Variants in HS6ST3 observed in about 807,000 individuals in gnomAD.
The protein encoded by HS6ST3 is heparan-sulfate 6-O-sulfotransferase 3.
Under a neutral mutation model 36.7 loss-of-function variants are expected in HS6ST3, and 12 were observed. That is an observed-to-expected ratio of 0.33 (90% CI 0.21 to 0.53). The LOEUF is 0.53. Ranked by LOEUF, HS6ST3 falls within the 20% of genes least tolerant of loss-of-function variation. The pLI, the probability that HS6ST3 is intolerant of heterozygous loss-of-function variation, is 0.95. For synonymous variants in HS6ST3, 240 were observed against 257.5 expected, an observed-to-expected ratio of 0.93 and a Z score of 0.65; for missense variants, 584 against 640.9, an observed-to-expected ratio of 0.91 and a Z score of 0.96.
chr13:96,270,011 C>CTG (rs1417597786), intron 1 of HS6ST3, among the ~76,000 whole-genome samples: 1 of 152,008 alleles, frequency 6.6e-6, no homozygotes, highest in Non-Finnish European at 1.5e-5. Flanking sequence ...GGCAACCAAA[C>CTG]TGTCCTTTGG....
chr13:96,090,938 G>A lies in HS6ST3; in HGVS notation c.76G>A (p.Val26Met), dbSNP rs1223167840. The stretch of plus-strand genomic sequence containing the variant: ...CTTCGTGGTCATCATGTACCAGTAC[G>A]TGTCCCCCTCCTGCACCAGCTCCTG... ...LLFVVIMYQYVSPSCTSSCTN... is the reference protein window; with the variant it reads ...LLFVVIMYQYMSPSCTSSCTN... Residue 26 changes from valine (V) to methionine (M), a missense_variant, in exon 1 of 2, where the codon GTG becomes ATG. By Grantham distance (21) the Val-to-Met change is conservative (BLOSUM62 1). Around this residue, in one of 3 missense-constraint regions of HS6ST3, gnomAD observed 217 missense variants for 205.4 expected, o/e 1.06. Transcript: ENST00000376705. The A allele has an allele frequency of 2.0e-6, 3 of 1,486,856 alleles. No homozygotes were observed. Among genetic ancestry groups the A allele is most frequent in the Non-Finnish European group, 2.7e-6 (3 of 1,111,056 alleles). The allele number at this position is 1,486,856 out of a possible 1,614,324, so 92.1% of individuals were successfully genotyped here.
At chr13:96,207,293 G>T (rs2054375488) in intron 1 of HS6ST3, among the ~76,000 whole-genome samples, 2 of 152,052 alleles carry the variant, frequency 1.3e-5, no homozygotes, top group African/African-American at 4.8e-5. Context: ...TTATTAAAAA[G>T]TCACAAAACA....
chr13:96,155,884 T>C (rs1566895329), intron 1 of HS6ST3, among the ~76,000 whole-genome samples: 4 of 152,186 alleles, frequency 2.6e-5, no homozygotes, highest in Admixed American at 6.5e-5. Flanking sequence ...TTTTAAAGCT[T>C]ACTGAAGACC....
At chr13:96,420,850 G>A (rs2055558950) in intron 1 of HS6ST3, among the ~76,000 whole-genome samples, 1 of 152,214 alleles carries the variant, frequency 6.6e-6, no homozygotes, top group South Asian at 2.1e-4. Flanking sequence ...AATAAAGAAA[G>A]TGTGAACCAT....
At chr13:96,360,838 T>G (rs999334503) in intron 1 of HS6ST3, among the ~76,000 whole-genome samples, 1 of 150,976 alleles carries the variant, frequency 6.6e-6, no homozygotes, top group African/African-American at 2.4e-5. Flanking sequence ...TCCCAGTTAC[T>G]TGGAAACTGA....
chr13:96,726,549 T>C (rs983143340), intron 1 of HS6ST3, among the ~76,000 whole-genome samples: 3 of 152,206 alleles, frequency 2.0e-5, no homozygotes, highest in Non-Finnish European at 4.4e-5. Context: ...TTTTTAAATA[T>C]TGGTCTTTAT....
intron 1 of HS6ST3, among the ~76,000 whole-genome samples, chr13:96,662,476 A>G (rs2056649547): frequency 6.9e-6 from 1 of 144,262 alleles, no homozygotes; most frequent in South Asian, 2.2e-4. Flanking sequence ...TTTTTAATCG[A>G]TCTCTTCTTT....
chr13:96,228,033 T>C (rs1187823866), intron 1 of HS6ST3, among the ~76,000 whole-genome samples: 2 of 152,212 alleles, frequency 1.3e-5, no homozygotes, highest in Admixed American at 1.3e-4. Context: ...CTTAGTTCAG[T>C]TGATCTTTCT....
At chr13:96,818,441 T>C (rs1878467224) in intron 1 of HS6ST3, among the ~76,000 whole-genome samples, 1 of 152,214 alleles carries the variant, frequency 6.6e-6, no homozygotes, top group South Asian at 2.1e-4. Context: ...GATTAGTTTA[T>C]GGACTGACAC....
chr13:96,550,384 C>T (rs574591417), intron 1 of HS6ST3, among the ~76,000 whole-genome samples: 1 of 152,136 alleles, frequency 6.6e-6, no homozygotes, highest in Non-Finnish European at 1.5e-5. Context: ...TGAGGCCTCA[C>T]CAGAGGCTGA....
At chr13:96,419,120 C>T (rs2055549670) in intron 1 of HS6ST3, among the ~76,000 whole-genome samples, 1 of 152,126 alleles carries the variant, frequency 6.6e-6, no homozygotes, top group Non-Finnish European at 1.5e-5. Context: ...GGAGAAGAGC[C>T]TTTCATTCTG....
At chr13:96,294,497 G>A (rs1209654025) in intron 1 of HS6ST3, among the ~76,000 whole-genome samples, 1 of 152,118 alleles carries the variant, frequency 6.6e-6, no homozygotes, top group African/African-American at 2.4e-5. Flanking sequence ...ATAACCACAT[G>A]TGGCCAGTGG....
At chr13:96,411,020 AC>A (rs1225673817) in intron 1 of HS6ST3, among the ~76,000 whole-genome samples, 1 of 152,212 alleles carries the variant, frequency 6.6e-6, no homozygotes, top group African/African-American at 2.4e-5. Flanking sequence ...CTTTGACCTC[AC>A]CATCACAGCC....
At chr13:96,811,298 T>A (rs1477717461) in intron 1 of HS6ST3, among the ~76,000 whole-genome samples, 1 of 152,216 alleles carries the variant, frequency 6.6e-6, no homozygotes, top group African/African-American at 2.4e-5. Context: ...AATGGTCCTA[T>A]TTTTAAAGGG....
Position 96,773,295 on chromosome 13 carries a change from C to T in HS6ST3, c.708-59195C>T, listed in dbSNP as rs543206075. Among the ~76,000 whole-genome samples, 44 of 152,250 alleles carry T rather than the reference C, an allele frequency of 2.9e-4. 1 individual carries two copies. The South Asian group carries it at 5.8e-3, about 20-fold the overall frequency. ...GTTTATTTTTTTCATACCCCAGTAG[C>T]GCCTGGAATGCCAGTGAGACAGAAC... On this transcript the variant is annotated intron_variant, in intron 1 of 1. Coordinates refer to ENST00000376705, the MANE Select transcript of HS6ST3 (RefSeq NM_153456.4).
intron 1 of HS6ST3, among the ~76,000 whole-genome samples, chr13:96,527,670 A>C (rs1046723302): frequency 6.6e-6 from 1 of 152,154 alleles, no homozygotes; most frequent in South Asian, 2.1e-4. Flanking sequence ...AGCTAAGTGA[A>C]CTTCATAGGT....
intron 1 of HS6ST3, among the ~76,000 whole-genome samples, chr13:96,637,337 G>A (rs2056553508): frequency 6.6e-6 from 1 of 152,000 alleles, no homozygotes; most frequent in Non-Finnish European, 1.5e-5. Context: ...ACACTGTGTG[G>A]GTACAGAAAG....
intron 1 of HS6ST3, among the ~76,000 whole-genome samples, chr13:96,691,901 A>G (rs537731974): frequency 4.6e-5 from 7 of 152,156 alleles, no homozygotes; most frequent in Non-Finnish European, 8.8e-5. Flanking sequence ...GAAAACAGTG[A>G]TAGAAATTAA....
intron 1 of HS6ST3, among the ~76,000 whole-genome samples, chr13:96,469,182 GT>G (rs1275311352): frequency 6.6e-6 from 1 of 152,074 alleles, no homozygotes; most frequent in Non-Finnish European, 1.5e-5. Flanking sequence ...TCCCATGCAT[GT>G]TTTGTAATGC....
Sources: gnomAD v4.1 joint callset for allele counts (sites outside exome capture counted in the v4.1 genomes callset) on GRCh38, gnomAD v4.1.1 for gene constraint, gnomAD v4.1.1 regional missense constraint, MANE v1.5 for transcripts, NCBI Gene and HGNC (gene_info 2026-07-23, HGNC 2026-07-21) for gene names.